DMRT1: variants seen among roughly 807,000 people sequenced by gnomAD.
DMRT1 encodes doublesex and mab-3 related transcription factor 1.
DMRT1 carries 7 observed loss-of-function variants against 32.3 expected under a neutral mutation model. The ratio of observed to expected loss-of-function variants is 0.22; its 90% CI spans 0.12 to 0.41. DMRT1 has a LOEUF of 0.41. DMRT1 is among the 10% of genes least tolerant of loss of function. The pLI, the probability that DMRT1 is intolerant of heterozygous loss-of-function variation, is 1.00. For synonymous variants in DMRT1, 278 were observed against 206.1 expected, an observed-to-expected ratio of 1.35 and a Z score of -2.99; for missense variants, 625 against 500.5, an observed-to-expected ratio of 1.25 and a Z score of -2.37.
Position 885,495 on chromosome 9 carries a change from C to T in DMRT1, c.539-8417C>T, listed in dbSNP as rs114541745. Among the ~76,000 whole-genome samples, 985 of 152,276 alleles carry T rather than the reference C, an allele frequency of 6.5e-3. 19 individuals are homozygous for T. Among genetic ancestry groups the T allele is most frequent in the African/African-American group, 0.023 (945 of 41,538 alleles). ...CTCCTACTTCCCCAACCAAACGCAG[C>T]GTTGTTCTGCTGGTCAAATGGCCTA... is the stretch of plus-strand genomic sequence containing the variant. On this transcript the variant is annotated intron_variant, in intron 2 of 4. Transcript: ENST00000382276.
At chr9:898,093 A>T (rs1207616641) in intron 3 of DMRT1, among the ~76,000 whole-genome samples, 1 of 152,196 alleles carries the variant, frequency 6.6e-6, no homozygotes, top group Non-Finnish European at 1.5e-5. Context: ...TTTTAACCAG[A>T]GTCGTTTTTC....
chr9:871,650 A>AT (rs34519187), intron 2 of DMRT1, among the ~76,000 whole-genome samples: 21,915 of 112,702 alleles, frequency 0.19, 2,011 homozygotes, highest in Admixed American at 0.3. Flanking sequence ...AACTTTTTGT[A>AT]TTTTTAGTAG....
At chr9:884,671 G>T (rs985024625) in intron 2 of DMRT1, among the ~76,000 whole-genome samples, 5 of 152,088 alleles carry the variant, frequency 3.3e-5, no homozygotes, top group African/African-American at 1.2e-4. Context: ...TATACCAATG[G>T]TAACACTTAA....
chr9:842,501 G>T (rs1838731049), intron 1 of DMRT1: 1 of 378,154 alleles, frequency 2.6e-6, no homozygotes, highest in South Asian at 2.8e-5. Context: ...CTCCCAAAGT[G>T]CTGGGATTAC....
intron 2 of DMRT1, among the ~76,000 whole-genome samples, chr9:876,453 C>G (rs1816502797): frequency 6.6e-6 from 1 of 152,006 alleles, no homozygotes; most frequent in African/African-American, 2.4e-5. Context: ...GACACACTCC[C>G]ATGTGAGTGC....
intron 4 of DMRT1, among the ~76,000 whole-genome samples, chr9:918,031 G>C (rs962783469): frequency 2.0e-5 from 3 of 152,146 alleles, no homozygotes; most frequent in Admixed American, 6.6e-5. Context: ...CTTTCATACT[G>C]CTTTTGAGTC....
In DMRT1 at chr9:952,072, CCCAGGGTCCCATA is replaced by C. The variant is rs61181446; in HGVS notation, c.968-15912_968-15900del. Among the ~76,000 whole-genome samples, 706 of 152,270 alleles carry C rather than the reference CCCAGGGTCCCATA, an allele frequency of 4.6e-3. 3 individuals carry two copies. The highest frequency in any genetic ancestry group is 0.016 in the African/African-American group (676 of 41,554). On this transcript the variant is annotated intron_variant, in intron 4 of 4. Coordinates refer to ENST00000382276, the MANE Select transcript of DMRT1 (RefSeq NM_021951.3). ...GAGGCTCAGAGCTGTTAAATGATTGCCCAGGGTCCCATAACTAGTAAGTGACCCAGCCAGAATG... is the reference window on the plus strand; with the variant it reads ...GAGGCTCAGAGCTGTTAAATGATTGCACTAGTAAGTGACCCAGCCAGAATG...
intron 4 of DMRT1, among the ~76,000 whole-genome samples, chr9:938,749 C>G (rs1307534928): frequency 1.3e-5 from 2 of 152,146 alleles, no homozygotes. Context: ...AGTCTATTTG[C>G]TCTGACTAGA....
intron 3 of DMRT1, among the ~76,000 whole-genome samples, chr9:905,972 G>T (rs1817759719): frequency 1.3e-5 from 2 of 151,976 alleles, no homozygotes; most frequent in Non-Finnish European, 2.9e-5. Flanking sequence ...TTAAAGCCGT[G>T]AAATTCTGGA....
chr9:934,655 G>A (rs1161398726), intron 4 of DMRT1, among the ~76,000 whole-genome samples: 1 of 152,136 alleles, frequency 6.6e-6, no homozygotes, highest in Non-Finnish European at 1.5e-5. Flanking sequence ...TCCATTTTGA[G>A]TTAATTTTTG....
At chr9:903,746 A>G (rs1232108610) in intron 3 of DMRT1, among the ~76,000 whole-genome samples, 1 of 152,210 alleles carries the variant, frequency 6.6e-6, no homozygotes, top group East Asian at 1.9e-4. Context: ...AGAAACTAGA[A>G]TTGGCCTCTG....
At chr9:845,975 G>A (rs553085314) in intron 1 of DMRT1, among the ~76,000 whole-genome samples, 2 of 151,536 alleles carry the variant, frequency 1.3e-5, no homozygotes, top group South Asian at 2.1e-4. Context: ...CCACTCTTGT[G>A]GTGTTGGTCT....
chr9:914,850 A>G (rs986642676), intron 3 of DMRT1, among the ~76,000 whole-genome samples: 20 of 152,212 alleles, frequency 1.3e-4, no homozygotes, highest in Admixed American at 1.2e-3. Flanking sequence ...AGCATCAGGC[A>G]GAAATCAGGG....
chr9:881,586 A>G (rs375795970), intron 2 of DMRT1, among the ~76,000 whole-genome samples: 3 of 152,338 alleles, frequency 2.0e-5, no homozygotes, highest in East Asian at 1.9e-4. Context: ...ACCCTGATAA[A>G]TTAGGCTTCT....
chr9:845,951 G>A (rs1382385950), intron 1 of DMRT1, among the ~76,000 whole-genome samples: 1 of 151,858 alleles, frequency 6.6e-6, no homozygotes, highest in East Asian at 1.9e-4. Context: ...AGGAGTGAAA[G>A]GTACTTCTGT....
chr9:842,997 G>A (rs931075353), intron 1 of DMRT1: 2 of 152,196 alleles, frequency 1.3e-5, no homozygotes, highest in Non-Finnish European at 2.9e-5. Context: ...GAATCCCAGG[G>A]ATCTCTAGCC....
At chr9:952,757 A>T (rs759308003) in intron 4 of DMRT1, among the ~76,000 whole-genome samples, 1 of 152,182 alleles carries the variant, frequency 6.6e-6, no homozygotes, top group Non-Finnish European at 1.5e-5. Flanking sequence ...AAAATACCTG[A>T]TCTACTTGGA....
Position 916,761 on chromosome 9 carries a change from A to C in DMRT1, c.823-2A>C. Reference sequence around the variant, plus strand: ...GTATATTTCTTCTTTTTTCTTAAGCAGATGAAGAACATGGAGAACCGCCAT... The same window carrying C: ...GTATATTTCTTCTTTTTTCTTAAGCCGATGAAGAACATGGAGAACCGCCAT... On this transcript the variant is annotated splice_acceptor_variant, in intron 3 of 4. Coordinates refer to ENST00000382276, the MANE Select transcript of DMRT1 (RefSeq NM_021951.3). LOFTEE classifies it high-confidence loss of function. 2 of 1,614,158 alleles carry C rather than the reference A, an allele frequency of 1.2e-6. No homozygotes were observed. Among genetic ancestry groups the C allele is most frequent in the Non-Finnish European group, 1.7e-6 (2 of 1,179,992 alleles).
intron 2 of DMRT1, among the ~76,000 whole-genome samples, chr9:876,307 G>T (rs536042932): frequency 6.6e-6 from 1 of 152,262 alleles, no homozygotes; most frequent in East Asian, 1.9e-4. Context: ...CAGGGGCTTT[G>T]GGCCAGTGGG....
Sources: gnomAD v4.1 joint callset for allele counts (sites outside exome capture counted in the v4.1 genomes callset) on GRCh38, gnomAD v4.1.1 for gene constraint, MANE v1.5 for transcripts, NCBI Gene and HGNC (gene_info 2026-07-23, HGNC 2026-07-21) for gene names.